Variants in REV1 observed in about 807,000 individuals in gnomAD.
REV1 encodes REV1 DNA directed polymerase.
REV1 carries 42 observed loss-of-function variants against 137.4 expected under a neutral mutation model. The ratio of observed to expected loss-of-function variants is 0.31; its 90% CI spans 0.24 to 0.40. The LOEUF (loss-of-function observed/expected upper bound fraction) is 0.40. Ranked by LOEUF, REV1 falls within the 10% of genes least tolerant of loss-of-function variation. The probability of loss-of-function intolerance (pLI) is 1.00; values close to 1 mark genes in which losing one functional copy is unlikely to be tolerated. For missense variants in REV1, 1,282 were observed against 1,490.1 expected (o/e 0.86, Z 2.30); for synonymous variants, 524 against 519.2 (o/e 1.01, Z -0.12).
In REV1 at chr2:99,418,944, G is replaced by C. The variant is rs1343250871; in HGVS notation, c.1835C>G (p.Ser612Cys). The change falls in exon 12 of 23, where the codon TCT becomes TGT. Residue 612 changes from serine to cysteine, a missense_variant. Physicochemically the swap from Ser to Cys is moderately radical, Grantham distance 112. Transcript: ENST00000258428. ...TGCCATTCTAGCCAGGAGAATATTA[G>C]AACCTATTAAAAAAAAAAGTCATCC... Reference protein sequence around the residue: ...TKCAASVGIGSNILLARMATR... With the variant: ...TKCAASVGIGCNILLARMATR... The C allele has an allele frequency of 6.3e-7, 1 of 1,590,800 alleles. No homozygotes were observed. Among genetic ancestry groups the C allele is most frequent in the Admixed American group, 1.8e-5 (1 of 55,024 alleles).
intron 1 of REV1, among the ~76,000 whole-genome samples, chr2:99,466,062 C>T (rs1684766048): frequency 6.6e-6 from 1 of 152,042 alleles, no homozygotes; most frequent in African/African-American, 2.4e-5. Context: ...CTGCCTCAGA[C>T]TCCCGAGTAG....
At chr2:99,448,472 T>C (rs1036414180) in intron 4 of REV1, among the ~76,000 whole-genome samples, 12 of 152,158 alleles carry the variant, frequency 7.9e-5, no homozygotes, top group African/African-American at 2.7e-4. Flanking sequence ...CAACTTATCA[T>C]TTCCAAACCA....
intron 1 of REV1, among the ~76,000 whole-genome samples, chr2:99,466,072 G>A (rs1164442730): frequency 1.3e-5 from 2 of 151,864 alleles, no homozygotes; most frequent in Non-Finnish European, 2.9e-5. Flanking sequence ...CTCCCGAGTA[G>A]CTGGGACTAC....
chr2:99,434,855 G>A (rs1474072006), intron 7 of REV1, among the ~76,000 whole-genome samples: 1 of 24,336 alleles, frequency 4.1e-5, no homozygotes, highest in African/African-American at 3.4e-4. Context: ...TCAATTTTAC[G>A]CAACAGAAAC....
At chr2:99,459,367 T>C (rs1683916330) in intron 3 of REV1, among the ~76,000 whole-genome samples, 1 of 152,114 alleles carries the variant, frequency 6.6e-6, no homozygotes, top group Non-Finnish European at 1.5e-5. Flanking sequence ...TGCTATGTCT[T>C]ACAACTGCAT....
chr2:99,411,949 T>C (rs1677214806), intron 13 of REV1, among the ~76,000 whole-genome samples: 1 of 151,590 alleles, frequency 6.6e-6, no homozygotes, highest in Admixed American at 6.6e-5. Flanking sequence ...TCAAGACATA[T>C]CCAGCCGGGC....
chr2:99,423,473 T>A (rs947559862), intron 10 of REV1, among the ~76,000 whole-genome samples: 2 of 152,226 alleles, frequency 1.3e-5, no homozygotes, highest in Non-Finnish European at 2.9e-5. Flanking sequence ...ACAGAAACTT[T>A]ATCTGGCTCC....
chr2:99,471,976 T>A (rs539003121), intron 1 of REV1, among the ~76,000 whole-genome samples: 43 of 150,122 alleles, frequency 2.9e-4, no homozygotes, highest in African/African-American at 9.8e-4. Flanking sequence ...TATAAAATGG[T>A]GCAGCTGATA....
In REV1 at chr2:99,410,887, G is replaced by T; in HGVS notation, c.2173-20C>A. 1 of 1,567,948 alleles carries T rather than the reference G, an allele frequency of 6.4e-7. No homozygotes were observed. The highest frequency in any genetic ancestry group is 8.6e-7 in the Non-Finnish European group (1 of 1,165,314). ...TTTTGGCTATGGAAAGACAAACGTG[G>T]AGAAACTACCATTCCACTTTCCTAT... On this transcript the variant is annotated intron_variant, in intron 13 of 22. Coordinates refer to ENST00000258428, the MANE Select transcript of REV1 (RefSeq NM_016316.4).
At chr2:99,432,306 T>C (rs1203604407) in intron 8 of REV1, among the ~76,000 whole-genome samples, 1 of 152,104 alleles carries the variant, frequency 6.6e-6, no homozygotes, top group Admixed American at 6.6e-5. Flanking sequence ...TCTAGACATA[T>C]AAGCCAAACA....
At chr2:99,409,608 C>T (rs1676814862) in intron 14 of REV1, among the ~76,000 whole-genome samples, 1 of 152,164 alleles carries the variant, frequency 6.6e-6, no homozygotes, top group Non-Finnish European at 1.5e-5. Context: ...CTATGGGAGG[C>T]TGCGGTGGGC....
intron 1 of REV1, among the ~76,000 whole-genome samples, chr2:99,474,122 A>G (rs542589137): frequency 2.0e-4 from 30 of 152,320 alleles, no homozygotes; most frequent in African/African-American, 6.3e-4. Flanking sequence ...GTGTTCCTTT[A>G]ATTTTTAACA....
At chr2:99,472,665 T>C (rs1400556711) in intron 1 of REV1, among the ~76,000 whole-genome samples, 2 of 152,238 alleles carry the variant, frequency 1.3e-5, no homozygotes. Flanking sequence ...TCAAGAAATC[T>C]GTACAGCAGT....
upstream of REV1, among the ~76,000 whole-genome samples, chr2:99,490,191 C>T (rs1051194276): frequency 1.3e-5 from 2 of 151,284 alleles, no homozygotes; most frequent in Admixed American, 1.3e-4. Context: ...CGTCGGCCTC[C>T]GTGTTCCTCC....
chr2:99,489,608 C>G (rs1011466759), intron 1 of REV1, among the ~76,000 whole-genome samples: 2 of 149,006 alleles, frequency 1.3e-5, no homozygotes, highest in African/African-American at 4.9e-5. Flanking sequence ...CATAACCCGG[C>G]GGCTGCGAGC....
At chr2:99,442,574 G>A in intron 4 of REV1, 105 bp from the exon 5 acceptor site, 1 of 1,045,260 alleles carries the variant, frequency 9.6e-7, no homozygotes, top group Non-Finnish European at 1.4e-6. Context: ...CCAACAACAG[G>A]TCATCTGTTT....
chr2:99,451,628 C>G (rs1017970404), intron 3 of REV1: 1 of 495,604 alleles, frequency 2.0e-6, no homozygotes, highest in African/African-American at 2.0e-5. Flanking sequence ...TCTCCTCTTT[C>G]TCCATAAACA....
In REV1 at chr2:99,421,501, A is replaced by G. The variant is rs1180386073; in HGVS notation, c.1829T>C (p.Ile610Thr). ...DQTKCAASVG[I>T]GSNILLARMA... ...TACAAGATAAGCTAGATACTAACCA[A>G]TTCCAACAGAGGCAGCACATTTCGT... The change falls in exon 11 of 23, where the codon ATT (isoleucine) becomes ACT (threonine). Residue 610 changes from isoleucine to threonine, a missense_variant and splice_region_variant. Around this residue, in one of 7 missense-constraint regions of REV1, gnomAD observed 372 missense variants for 482.3 expected, o/e 0.77. Coordinates refer to ENST00000258428, the MANE Select transcript of REV1 (RefSeq NM_016316.4). 1 of 1,613,646 alleles carries G rather than the reference A, an allele frequency of 6.2e-7. No homozygotes were observed. The highest frequency in any genetic ancestry group is 8.5e-7 in the Non-Finnish European group (1 of 1,179,758).
At chr2:99,463,113 T>C (rs1684415359) in intron 2 of REV1, among the ~76,000 whole-genome samples, 1 of 151,822 alleles carries the variant, frequency 6.6e-6, no homozygotes, top group South Asian at 2.1e-4. Context: ...TAAATAAATA[T>C]AAATACATAA....
Sources: gnomAD v4.1 joint callset for allele counts (sites outside exome capture counted in the v4.1 genomes callset) on GRCh38, gnomAD v4.1.1 for gene constraint, gnomAD v4.1.1 regional missense constraint, MANE v1.5 for transcripts, NCBI Gene and HGNC (gene_info 2026-07-23, HGNC 2026-07-21) for gene names.